Variants in UPRT observed in about 807,000 individuals in gnomAD.
UPRT encodes RP11-311P8.3.
UPRT carries 5 observed loss-of-function variants against 22.6 expected under a neutral mutation model. The observed-to-expected ratio is 0.22, with a 90% CI of 0.12 to 0.47. UPRT has a LOEUF of 0.47. Among genes scored for constraint, UPRT ranks in the 20% least tolerant of loss-of-function variants. The pLI, the probability that UPRT is intolerant of heterozygous loss-of-function variation, is 0.99. For missense variants in UPRT, 181 were observed against 239.9 expected, an observed-to-expected ratio of 0.75 and a Z score of 1.62; for synonymous variants, 77 against 87.7, an observed-to-expected ratio of 0.88 and a Z score of 0.68.
upstream of UPRT, among the ~76,000 whole-genome samples, chrX:75,271,716 C>G (rs1227335286): frequency 9.0e-6 from 1 of 111,605 alleles, no homozygotes; most frequent in Non-Finnish European, 1.9e-5. Context: ...ACAACCCATA[C>G]AGTGGGAGAA....
intron 4 of UPRT, among the ~76,000 whole-genome samples, chrX:75,237,068 T>C (rs774739979): frequency 9.8e-4 from 109 of 111,481 alleles, no homozygotes; most frequent in African/African-American, 1.1e-3. Flanking sequence ...GGGCTAATAT[T>C]CAGAATCTAC....
chrX:75,285,754 A>G (rs2082677031), intron 1 of UPRT, among the ~76,000 whole-genome samples: 1 of 110,769 alleles, frequency 9.0e-6, no homozygotes, highest in African/African-American at 3.3e-5. Context: ...GTGCAGGTAA[A>G]TAGTTATTGA....
chrX:75,236,523 G>T (rs1007915461), intron 4 of UPRT, among the ~76,000 whole-genome samples: 1 of 111,718 alleles, frequency 9.0e-6, no homozygotes, highest in Non-Finnish European at 1.9e-5. Flanking sequence ...AAAGCTGGAG[G>T]TATCGCACTA....
chrX:75,246,000 T>C (rs978571504), intron 4 of UPRT, among the ~76,000 whole-genome samples: 1 of 111,906 alleles, frequency 8.9e-6, no homozygotes, highest in African/African-American at 3.2e-5. Context: ...GAATTGACTT[T>C]TCAGAAGACA....
intron 4 of UPRT, among the ~76,000 whole-genome samples, chrX:75,249,193 A>G (rs772224316): frequency 3.6e-5 from 4 of 111,755 alleles, no homozygotes; most frequent in African/African-American, 1.3e-4. Flanking sequence ...GACAGGATCA[A>G]ATTCACACAT....
chrX:75,294,681 T>TA, intron 2 of UPRT: 2 of 775,251 alleles, frequency 2.6e-6, no homozygotes, highest in Non-Finnish European at 3.4e-6. Flanking sequence ...TCATTGGCAG[T>TA]AATAACCCTT....
At chrX:75,273,126 G>A (rs1602485573), upstream of UPRT, among the ~76,000 whole-genome samples, 2 of 111,360 alleles carry the variant, frequency 1.8e-5, no homozygotes, top group Admixed American at 1.9e-4. Context: ...GCTAAATGAT[G>A]AGAACACATG....
intron 1 of UPRT, among the ~76,000 whole-genome samples, chrX:75,281,453 G>C (rs1045456298): frequency 4.5e-5 from 5 of 111,437 alleles, no homozygotes; most frequent in African/African-American, 6.5e-5. Context: ...TGCTGATTTT[G>C]CTGAGAGTTT....
chrX:75,217,148 G>A (rs1387676415), intron 4 of UPRT, among the ~76,000 whole-genome samples: 1 of 111,822 alleles, frequency 8.9e-6, no homozygotes, highest in Admixed American at 9.5e-5. Flanking sequence ...TAGGGACATT[G>A]TTGTAGTCAT....
intron 4 of UPRT, among the ~76,000 whole-genome samples, chrX:75,260,687 A>G (rs928740297): frequency 8.9e-6 from 1 of 111,940 alleles, no homozygotes; most frequent in Non-Finnish European, 1.9e-5. Flanking sequence ...AACATTAGAC[A>G]GATCAATGAG....
chrX:75,188,680 G>A (rs1003404637), intron 4 of UPRT, among the ~76,000 whole-genome samples: 4 of 112,621 alleles, frequency 3.6e-5, no homozygotes, highest in African/African-American at 6.4e-5. Flanking sequence ...GCGAGACTTC[G>A]TGGGCGTAGG....
chrX:75,262,114 A>G (rs1223602317), intron 4 of UPRT, among the ~76,000 whole-genome samples: 1 of 111,785 alleles, frequency 8.9e-6, no homozygotes, highest in Admixed American at 9.5e-5. Context: ...GCCAGAAGAG[A>G]GTGGGAGCCA....
upstream of UPRT, among the ~76,000 whole-genome samples, chrX:75,272,609 T>G (rs1020810410): frequency 9.3e-6 from 1 of 107,931 alleles, no homozygotes; most frequent in African/African-American, 3.4e-5. Flanking sequence ...GCTTGAGAGA[T>G]AAAAGACTAC....
At chrX:75,165,619 A>G (rs2082211047) in intron 3 of UPRT, among the ~76,000 whole-genome samples, 1 of 112,493 alleles carries the variant, frequency 8.9e-6, no homozygotes, top group Admixed American at 9.4e-5. Flanking sequence ...GTATAATACC[A>G]AAGAGAAAGG....
intron 1 of UPRT, among the ~76,000 whole-genome samples, chrX:75,283,869 A>G (rs140842226): frequency 0.024 from 2,730 of 111,921 alleles, 37 homozygotes; most frequent in South Asian, 0.06. Context: ...ATTTTCCTCA[A>G]TTATTCCCCC....
upstream of UPRT, among the ~76,000 whole-genome samples, chrX:75,269,981 G>A (rs2082603065): frequency 9.0e-6 from 1 of 111,102 alleles, no homozygotes; most frequent in Admixed American, 9.6e-5. Context: ...CTACAGAATG[G>A]GAGAAAATTT....
At position 75,251,415 on chromosome X, in the gene UPRT, A is replaced by G. The variant is rs1264025477; in HGVS notation, c.-446-39609A>G. Among the ~76,000 whole-genome samples, 3 of 111,568 alleles carry G rather than the reference A, an allele frequency of 2.7e-5. No homozygotes were observed. The East Asian group carries it at 8.5e-4, about 31-fold the overall frequency. ...AAATCACAAGCATTCTTATACACCA[A>G]TAACAGACAAACAGAGACCCAAATC... is the stretch of plus-strand genomic sequence containing the variant. On this transcript the variant is annotated intron_variant, in intron 4 of 13. Coordinates refer to the UPRT transcript ENST00000652605.
intron 1 of UPRT, among the ~76,000 whole-genome samples, chrX:75,286,406 C>T (rs2147694704): frequency 9.0e-6 from 1 of 110,538 alleles, no homozygotes; most frequent in African/African-American, 3.3e-5. Flanking sequence ...TACAAACAAA[C>T]TTTGTATATA....
At chrX:75,241,488 G>C (rs1285075436) in intron 4 of UPRT, among the ~76,000 whole-genome samples, 1 of 111,613 alleles carries the variant, frequency 9.0e-6, no homozygotes, top group Non-Finnish European at 1.9e-5. Flanking sequence ...ATGTAAACTA[G>C]TATAACCACT....
Sources: gnomAD v4.1 joint callset for allele counts (sites outside exome capture counted in the v4.1 genomes callset) on GRCh38, gnomAD v4.1.1 for gene constraint, MANE v1.5 for transcripts, NCBI Gene and HGNC (gene_info 2026-07-23, HGNC 2026-07-21) for gene names.